The following CNTNAP2 variants were observed in gnomAD, a reference collection of about 807,000 sequenced individuals.
CNTNAP2 encodes contactin associated protein 2, also known as contactin-associated protein-like 2.
Under a neutral mutation model 155.2 loss-of-function variants are expected in CNTNAP2, and 98 were observed. The ratio of observed to expected loss-of-function variants is 0.63; its 90% confidence interval spans 0.54 to 0.75. CNTNAP2 has a LOEUF of 0.75. CNTNAP2 is among the 30% of genes least tolerant of loss of function. The pLI is 0.00. For missense variants in CNTNAP2, 1,727 were observed against 1,688.1 expected (o/e 1.02, Z -0.40); for synonymous variants, 651 against 631.2 (o/e 1.03, Z -0.47).
At chr7:147,655,525 C>T (rs1371772585) in intron 13 of CNTNAP2, among the ~76,000 whole-genome samples, 1 of 152,216 alleles carries the variant, frequency 6.6e-6, no homozygotes, top group African/African-American at 2.4e-5. Context: ...TAATCTTGTT[C>T]ATCTCCATGA....
chr7:147,521,230 G>A (rs1248627894), intron 11 of CNTNAP2, among the ~76,000 whole-genome samples: 2 of 152,088 alleles, frequency 1.3e-5, no homozygotes, highest in Non-Finnish European at 2.9e-5. Context: ...TGCCTGCTTC[G>A]GTGTAGTTGT....
chr7:147,831,932 A>G (rs1798552163), intron 13 of CNTNAP2: 1 of 152,078 alleles, frequency 6.6e-6, no homozygotes, highest in African/African-American at 2.4e-5. Context: ...CCATGATGTG[A>G]CTGTTACACA....
intron 3 of CNTNAP2, among the ~76,000 whole-genome samples, chr7:146,971,701 T>C (rs1359506132): frequency 6.6e-6 from 1 of 151,740 alleles, no homozygotes; most frequent in African/African-American, 2.4e-5. Flanking sequence ...TGGAGAGGGG[T>C]CACTCTCTGG....
intron 14 of CNTNAP2, among the ~76,000 whole-genome samples, chr7:147,922,067 C>T (rs960881209): frequency 6.6e-6 from 1 of 152,122 alleles, no homozygotes; most frequent in African/African-American, 2.4e-5. Flanking sequence ...TATAGACTTC[C>T]CATAGTGTAT....
At chr7:147,203,205 T>A (rs1802956135) in intron 8 of CNTNAP2, among the ~76,000 whole-genome samples, 1 of 152,112 alleles carries the variant, frequency 6.6e-6, no homozygotes, top group Non-Finnish European at 1.5e-5. Context: ...TGATTAAAAT[T>A]TTTTGTAACT....
At chr7:147,600,777 C>T (rs554516988) in intron 12 of CNTNAP2, among the ~76,000 whole-genome samples, 1 of 152,124 alleles carries the variant, frequency 6.6e-6, no homozygotes, top group East Asian at 1.9e-4. Flanking sequence ...TCTTCCTTCC[C>T]CCTCCTACTA....
At chr7:146,834,779 T>C (rs1179418294) in intron 2 of CNTNAP2, among the ~76,000 whole-genome samples, 2 of 152,196 alleles carry the variant, frequency 1.3e-5, no homozygotes, top group Non-Finnish European at 2.9e-5. Flanking sequence ...TTCTTTGAGC[T>C]GCTACAATAC....
At chr7:146,244,982 T>G (rs1262526207) in intron 1 of CNTNAP2, among the ~76,000 whole-genome samples, 1 of 152,090 alleles carries the variant, frequency 6.6e-6, no homozygotes, top group Non-Finnish European at 1.5e-5. Flanking sequence ...AGTAGTAGAA[T>G]AGCAGATGGA....
intron 15 of CNTNAP2, among the ~76,000 whole-genome samples, chr7:148,068,077 G>A (rs1008683903): frequency 2.0e-5 from 3 of 152,226 alleles, no homozygotes; most frequent in African/African-American, 4.8e-5. Flanking sequence ...AAGCCTCCCA[G>A]CTGAGAAAGC....
intron 18 of CNTNAP2, among the ~76,000 whole-genome samples, chr7:148,180,482 C>T (rs945418077): frequency 6.6e-6 from 1 of 151,916 alleles, no homozygotes; most frequent in African/African-American, 2.4e-5. Context: ...TCTATGCAAG[C>T]CTACCTCCAA....
At chr7:147,067,165 C>A (rs1799796396) in intron 4 of CNTNAP2, among the ~76,000 whole-genome samples, 2 of 152,060 alleles carry the variant, frequency 1.3e-5, no homozygotes, top group African/African-American at 4.8e-5. Context: ...GTGGCACACA[C>A]CTGTAATCTC....
At chr7:146,617,017 T>TTTTTTTTTG (rs113504240) in intron 1 of CNTNAP2, among the ~76,000 whole-genome samples, 51 of 151,388 alleles carry the variant, frequency 3.4e-4, no homozygotes, top group African/African-American at 4.6e-4. Flanking sequence ...AACCTGGTTT[T>TTTTTTTTTG]TTTGTTTGTT....
chr7:147,132,759 T>C (rs1328918428), intron 8 of CNTNAP2, among the ~76,000 whole-genome samples: 1 of 152,136 alleles, frequency 6.6e-6, no homozygotes, highest in Non-Finnish European at 1.5e-5. Flanking sequence ...TCCTTACCAA[T>C]GCTAGTTTAT....
chr7:146,206,707 A>G (rs1798952127), intron 1 of CNTNAP2, among the ~76,000 whole-genome samples: 1 of 152,020 alleles, frequency 6.6e-6, no homozygotes, highest in African/African-American at 2.4e-5. Flanking sequence ...AACATGAAAT[A>G]CACAACTTAT....
At chr7:146,781,620 C>T (rs1252651645) in intron 2 of CNTNAP2, among the ~76,000 whole-genome samples, 1 of 152,072 alleles carries the variant, frequency 6.6e-6, no homozygotes, top group Non-Finnish European at 1.5e-5. Context: ...CTTACAGGCT[C>T]CCAGGCAGTT....
intron 15 of CNTNAP2, among the ~76,000 whole-genome samples, chr7:148,082,255 G>A (rs540397976): frequency 3.9e-5 from 6 of 152,298 alleles, no homozygotes; most frequent in African/African-American, 1.4e-4. Context: ...GTCAGGGTTG[G>A]GACCAACAGA....
chr7:146,174,132 G>A (rs1798434829), intron 1 of CNTNAP2, among the ~76,000 whole-genome samples: 1 of 151,932 alleles, frequency 6.6e-6, no homozygotes, highest in Non-Finnish European at 1.5e-5. Flanking sequence ...GTTGAGCCCA[G>A]GGGAGGACGC....
chr7:146,755,194 A>C (rs1801974261), intron 1 of CNTNAP2, among the ~76,000 whole-genome samples: 1 of 151,978 alleles, frequency 6.6e-6, no homozygotes, highest in Non-Finnish European at 1.5e-5. Flanking sequence ...TATTCATTCA[A>C]AAATATATAT....
chr7:148,147,860 C>A, intron 17 of CNTNAP2, 151 bp downstream of exon 17: 1 of 773,818 alleles, frequency 1.3e-6, no homozygotes, highest in Non-Finnish European at 2.1e-6. Context: ...TCCTTCAAGA[C>A]AGAATGGAAT....
Sources: allele counts gnomAD v4.1 joint callset (sites outside exome capture counted in the v4.1 genomes callset), GRCh38; gene constraint gnomAD v4.1.1; transcripts MANE v1.5; gene names NCBI Gene and HGNC (gene_info 2026-07-23, HGNC 2026-07-21).